Variants in ADGRE3 observed in about 807,000 individuals in gnomAD.
ADGRE3 encodes the protein adhesion G protein-coupled receptor E3, also known as EGF-like module receptor 3.
ADGRE3 carries 88 observed loss-of-function variants against 80.1 expected under a neutral mutation model. That is an observed-to-expected ratio of 1.10 (90% CI 0.93 to 1.31). ADGRE3 has a LOEUF of 1.31. Ranked by LOEUF, ADGRE3 falls within the 40% of genes most tolerant of loss-of-function variation. The probability of loss-of-function intolerance (pLI) is 0.00; values close to 1 mark genes in which losing one functional copy is unlikely to be tolerated. For synonymous variants in ADGRE3, 281 were observed against 294.8 expected, an observed-to-expected ratio of 0.95 and a Z score of 0.48; for missense variants, 715 against 776.5, an observed-to-expected ratio of 0.92 and a Z score of 0.94.
At chr19:14,612,197 C>T in the ADGRE3 span, among the ~76,000 whole-genome samples, 11 of 152,082 alleles carry the variant, frequency 7.2e-5, no homozygotes, top group South Asian at 2.1e-4. Context: ...CTCACAGTTC[C>T]GGAGGCTGGA....
the ADGRE3 span, chr19:14,600,326 A>C: frequency 1.0e-6 from 1 of 996,898 alleles, no homozygotes. Context: ...GCTCTTCCTA[A>C]GGTAGTATCA....
intron 1 of ADGRE3, among the ~76,000 whole-genome samples, chr19:14,672,756 T>G (rs1972288699): frequency 6.6e-6 from 1 of 151,988 alleles, no homozygotes; most frequent in Admixed American, 6.6e-5. Context: ...ACTGCAGGTG[T>G]GTGCCACCAT....
intron 10 of ADGRE3, among the ~76,000 whole-genome samples, chr19:14,640,886 C>T (rs1568484344): frequency 6.6e-6 from 1 of 152,208 alleles, no homozygotes; most frequent in Non-Finnish European, 1.5e-5. Flanking sequence ...TAAGAAGTGC[C>T]TTTCGCCTCC....
chr19:14,663,551 A>C lies in ADGRE3; in HGVS notation c.77-11T>G. On this transcript the variant is annotated splice_polypyrimidine_tract_variant and intron_variant, in intron 2 of 15. Coordinates refer to ENST00000253673, the MANE Select transcript of ADGRE3 (RefSeq NM_032571.5). ...ACTTAGCACAGGAAGCTGCAGGGAG[A>C]AGAGAGGCAGGTTAAATGGACTGGG... is the stretch of plus-strand genomic sequence containing the variant. 1 of 1,610,974 alleles carries C rather than the reference A, an allele frequency of 6.2e-7. No homozygotes were observed. Among genetic ancestry groups the C allele is most frequent in the African/African-American group, 1.3e-5 (1 of 74,882 alleles).
chr19:14,652,693 G>T (rs936809323), intron 6 of ADGRE3, among the ~76,000 whole-genome samples: 1 of 149,566 alleles, frequency 6.7e-6, no homozygotes, highest in Admixed American at 6.8e-5. Context: ...CAGGAGAATT[G>T]CTTGAACCCA....
intron 1 of ADGRE3, among the ~76,000 whole-genome samples, chr19:14,672,637 T>C (rs1972285728): frequency 6.6e-6 from 1 of 152,200 alleles, no homozygotes; most frequent in African/African-American, 2.4e-5. Flanking sequence ...ATATTATCAT[T>C]TGAGCTCTGT....
chr19:14,657,272 C>T (rs1278271797), intron 5 of ADGRE3, among the ~76,000 whole-genome samples: 1 of 152,060 alleles, frequency 6.6e-6, no homozygotes, highest in Non-Finnish European at 1.5e-5. Flanking sequence ...TATTCCCTTC[C>T]TCAAAAAGCT....
rs368659808 is a variant in ADGRE3 at position 14,639,588 on chromosome 19, G to GT, written c.1249-1249dup. ...TCCAGCTAATTTTGTTATTTTTTTTGTTTTTTTTGTAGAGACAAGGTCTCA... is the reference window on the plus strand; with the variant it reads ...TCCAGCTAATTTTGTTATTTTTTTTGTTTTTTTTTGTAGAGACAAGGTCTCA... On this transcript the variant is annotated intron_variant, in intron 10 of 15. Transcript: ENST00000253673. Among the ~76,000 whole-genome samples, 181 of 151,240 alleles carry GT rather than the reference G, an allele frequency of 1.2e-3. 3 individuals are homozygous for GT. Among genetic ancestry groups the GT allele is most frequent in the African/African-American group, 3.6e-3 (149 of 41,246 alleles).
chr19:14,613,551 C>T, the ADGRE3 span, among the ~76,000 whole-genome samples: 81 of 152,284 alleles, frequency 5.3e-4, no homozygotes, highest in African/African-American at 1.9e-3. Context: ...ATAGCAGAAT[C>T]TTTCCTGTTT....
At chr19:14,650,949 T>TA in intron 7 of ADGRE3, 136 bp downstream of exon 7, 3 of 914,450 alleles carry the variant, frequency 3.3e-6, no homozygotes, top group East Asian at 2.8e-5. Flanking sequence ...TTTTTTTTTT[T>TA]AAAGGGAAAA....
intron 9 of ADGRE3, among the ~76,000 whole-genome samples, chr19:14,643,144 G>GTTTTTTTT (rs373306807): frequency 8.1e-6 from 1 of 124,066 alleles, no homozygotes; most frequent in African/African-American, 3.0e-5. Flanking sequence ...AGTAATCATG[G>GTTTTTTTT]TTTTTTTTTT....
the ADGRE3 span, among the ~76,000 whole-genome samples, chr19:14,613,014 T>C: frequency 6.7e-6 from 1 of 149,540 alleles, no homozygotes; most frequent in African/African-American, 2.5e-5. Context: ...CAACCTCTGC[T>C]TTCCAGGTTT....
At chr19:14,667,758 A>G (rs1222132817) in intron 2 of ADGRE3, among the ~76,000 whole-genome samples, 1 of 152,190 alleles carries the variant, frequency 6.6e-6, no homozygotes, top group Admixed American at 6.5e-5. Context: ...CAGCAAACAA[A>G]TATGGCACAT....
At chr19:14,639,927 A>G (rs926206135) in intron 10 of ADGRE3, among the ~76,000 whole-genome samples, 4 of 152,130 alleles carry the variant, frequency 2.6e-5, no homozygotes, top group Admixed American at 1.3e-4. Flanking sequence ...GCTCTCTTGT[A>G]TTTATTCTTT....
At chr19:14,650,639 C>CTA (rs1971574078) in intron 7 of ADGRE3, among the ~76,000 whole-genome samples, 2 of 15,422 alleles carry the variant, frequency 1.3e-4, no homozygotes, top group Non-Finnish European at 2.5e-4. Flanking sequence ...ATCTCTCTCT[C>CTA]TCTCTCTCTC....
At chr19:14,635,409 ATTT>A (rs1253660919) in intron 11 of ADGRE3, among the ~76,000 whole-genome samples, 6 of 120,606 alleles carry the variant, frequency 5.0e-5, no homozygotes, top group Non-Finnish European at 7.1e-5. Flanking sequence ...CTGGTCTTCC[ATTT>A]TTTTTTTTTT....
rs1349477324 is a variant in ADGRE3 at position 14,620,539 on chromosome 19, ATATATATAT to A, written c.1921-1077_1921-1069del. The stretch of plus-strand genomic sequence containing the variant: ...GACTATATATGAATATATATATTTT[ATATATATAT>A]TATATATATATATATATATATTTTT... On this transcript the variant is annotated intron_variant, in intron 15 of 15. Coordinates refer to ENST00000253673, the MANE Select transcript of ADGRE3 (RefSeq NM_032571.5). Among the ~76,000 whole-genome samples the A allele has an allele frequency of 7.8e-3, 110 of 14,182 alleles. 10 individuals are homozygous for A. Among genetic ancestry groups the A allele is most frequent in the African/African-American group, 0.025 (56 of 2,276 alleles). The allele number at this position is 14,182 out of a possible 152,430, so 9.3% of individuals were successfully genotyped here.
chr19:14,636,149 T>TCTTTCTTCCTTCCTTCCTTCCTTCCTTC (rs774422809), intron 11 of ADGRE3, among the ~76,000 whole-genome samples: 6 of 40,600 alleles, frequency 1.5e-4, no homozygotes, highest in African/African-American at 2.2e-4. Flanking sequence ...TTTCTTTCTT[T>TCTTTCTTCCTTCCTTCCTTCCTTCCTTC]CTTCCTTTCC....
At chr19:14,664,665 T>C (rs1047675629) in intron 2 of ADGRE3, among the ~76,000 whole-genome samples, 1 of 152,138 alleles carries the variant, frequency 6.6e-6, no homozygotes, top group Non-Finnish European at 1.5e-5. Flanking sequence ...GTCGTGGTCA[T>C]GTCATTACAC....
Sources: allele counts gnomAD v4.1 joint callset (sites outside exome capture counted in the v4.1 genomes callset), GRCh38; gene constraint gnomAD v4.1.1; transcripts MANE v1.5; gene names NCBI Gene and HGNC (gene_info 2026-07-23, HGNC 2026-07-21).